The following TLK2 variants were observed in gnomAD, a reference collection of about 807,000 sequenced individuals.
The protein encoded by TLK2 is serine/threonine-protein kinase tousled-like 2.
Under a neutral mutation model 117.3 loss-of-function variants are expected in TLK2, and 6 were observed. The observed-to-expected ratio is 0.05, with a 90% CI of 0.03 to 0.10. The LOEUF is 0.10. Among genes scored for constraint, TLK2 ranks in the 10% least tolerant of loss-of-function variants. TLK2 has a pLI of 1.00. For missense variants in TLK2, 299 were observed against 901.2 expected, an observed-to-expected ratio of 0.33 and a Z score of 8.56; for synonymous variants, 257 against 316.7, an observed-to-expected ratio of 0.81 and a Z score of 2.00.
At chr17:62,607,858 T>A (rs992786457) in intron 20 of TLK2, among the ~76,000 whole-genome samples, 183 bp from the exon 21 acceptor site, 2 of 152,214 alleles carry the variant, frequency 1.3e-5, no homozygotes, top group Non-Finnish European at 2.9e-5. Context: ...AAGTTACATA[T>A]GCTCTGAGCT....
At chr17:62,591,731 T>G (rs2082097928) in intron 16 of TLK2, among the ~76,000 whole-genome samples, 1 of 152,224 alleles carries the variant, frequency 6.6e-6, no homozygotes, top group Admixed American at 6.5e-5. Context: ...CTTTCCCCAC[T>G]TCCCCTAATT....
chr17:62,523,384 A>G (rs1471878593), intron 5 of TLK2, among the ~76,000 whole-genome samples: 1 of 152,088 alleles, frequency 6.6e-6, no homozygotes, highest in East Asian at 1.9e-4. Context: ...TTCGAGGCCA[A>G]CCTGGGCAAC....
chr17:62,548,254 G>A (rs1036020560), intron 7 of TLK2, among the ~76,000 whole-genome samples: 16 of 150,492 alleles, frequency 1.1e-4, no homozygotes, highest in African/African-American at 3.4e-4. Flanking sequence ...GTGTGTGTGT[G>A]TGTGTGTGTG....
At chr17:62,498,426 G>T (rs1183250221) in intron 2 of TLK2, among the ~76,000 whole-genome samples, 2 of 145,110 alleles carry the variant, frequency 1.4e-5, no homozygotes, top group Non-Finnish European at 3.0e-5. Context: ...GTCTTGCTCT[G>T]TCGCCCAGGC....
intron 2 of TLK2, among the ~76,000 whole-genome samples, chr17:62,510,323 A>G (rs1221127469): frequency 1.3e-5 from 2 of 152,284 alleles, no homozygotes; most frequent in East Asian, 3.9e-4. Flanking sequence ...CCTACAGACT[A>G]AGTATGGCTT....
At chr17:62,473,890 T>C (rs768186150), upstream of TLK2, among the ~76,000 whole-genome samples, 2 of 152,016 alleles carry the variant, frequency 1.3e-5, no homozygotes, top group Non-Finnish European at 2.9e-5. Flanking sequence ...GAGCATAGCC[T>C]AGATTTTTTT....
Position 62,602,100 on chromosome 17 carries a change from T to G in TLK2, c.1779T>G (p.Gly593=). The part of the protein sequence containing the change: ...ACGEIKITDF[G]LSKIMDDDSY... ...GAGAGATAAAAATTACAGATTTTGG[T>G]CTTTCGAAGATCATGGATGATGATA... The change falls in exon 19 of 22, where the codon GGT becomes GGG. Residue 593 remains glycine, a synonymous_variant. Transcript: ENST00000346027. The G allele has an allele frequency of 6.2e-7, 1 of 1,613,646 alleles. No individual in the cohort carries two copies.
At chr17:62,579,074 A>G (rs2081025814) in intron 14 of TLK2, among the ~76,000 whole-genome samples, 1 of 152,220 alleles carries the variant, frequency 6.6e-6, no homozygotes, top group East Asian at 1.9e-4. Flanking sequence ...GTAGGTTGAA[A>G]GTAGAAAGGG....
intron 12 of TLK2, among the ~76,000 whole-genome samples, chr17:62,575,969 A>C (rs2080756536): frequency 6.6e-6 from 1 of 152,162 alleles, no homozygotes; most frequent in Non-Finnish European, 1.5e-5. Context: ...TACTGGGATT[A>C]CAGTGAGCCA....
chr17:62,477,877 C>G (rs1400184265), upstream of TLK2: 1 of 152,112 alleles, frequency 6.6e-6, no homozygotes, highest in Non-Finnish European at 1.5e-5. Context: ...TTTTCTCCAT[C>G]TTGGCACTTA....
Position 62,612,281 on chromosome 17 carries a change from C to T in TLK2, c.2080-111C>T, listed in dbSNP as rs1490681246. ...TTCTGAGGAAGGCCTTAAGCCCCTT[C>T]TCTTTAGTTGATATTTGCTCTGGGC... On this transcript the variant is annotated intron_variant, in intron 21 of 21. Coordinates refer to ENST00000346027, the MANE Select transcript of TLK2 (RefSeq NM_006852.6). 3 of 1,215,672 alleles carry T rather than the reference C, an allele frequency of 2.5e-6. No individual in the cohort carries two copies. The African/African-American group carries it at 4.6e-5, about 19-fold the overall frequency. The allele number at this position is 1,215,672 out of a possible 1,614,324, so 75.3% of individuals were successfully genotyped here.
intron 7 of TLK2, chr17:62,551,912 G>T (rs111792018): frequency 3.4e-6 from 1 of 290,608 alleles, no homozygotes; most frequent in South Asian, 3.2e-5. Flanking sequence ...CTGAATAGTG[G>T]TTCACAGTCC....
At chr17:62,581,999 G>A (rs2081256296) in intron 15 of TLK2, among the ~76,000 whole-genome samples, 1 of 152,078 alleles carries the variant, frequency 6.6e-6, no homozygotes, top group African/African-American at 2.4e-5. Flanking sequence ...TATAATCCCA[G>A]CACTCTGGGA....
At chr17:62,519,878 G>T (rs2075911678) in intron 2 of TLK2, among the ~76,000 whole-genome samples, 2 of 152,150 alleles carry the variant, frequency 1.3e-5, no homozygotes, top group South Asian at 4.1e-4. Flanking sequence ...CTACAGTCTA[G>T]GCTGTATCTT....
chr17:62,507,558 GCTT>G (rs1398766682), intron 2 of TLK2: 3 of 152,160 alleles, frequency 2.0e-5, no homozygotes, highest in African/African-American at 7.2e-5. Flanking sequence ...TGGCAGCTAT[GCTT>G]CTTTATACCT....
At chr17:62,558,173 T>A (rs1400872318) in intron 9 of TLK2, among the ~76,000 whole-genome samples, 1 of 151,800 alleles carries the variant, frequency 6.6e-6, no homozygotes, top group Non-Finnish European at 1.5e-5. Flanking sequence ...TTCTTTTTTT[T>A]AATTAAAAAA....
chr17:62,604,947 A>T (rs1226593493), intron 19 of TLK2, among the ~76,000 whole-genome samples: 6 of 152,188 alleles, frequency 3.9e-5, no homozygotes, highest in Non-Finnish European at 7.3e-5. Flanking sequence ...TGCCACTGCC[A>T]TAAAAAAGTC....
At chr17:62,592,317 C>T (rs534504929) in intron 16 of TLK2, among the ~76,000 whole-genome samples, 1 of 152,222 alleles carries the variant, frequency 6.6e-6, no homozygotes, top group South Asian at 2.1e-4. Context: ...TTCTGTTCTT[C>T]TAAAATTCAG....
Position 62,489,560 on chromosome 17 carries a change from C to T in TLK2, c.81+8354C>T, listed in dbSNP as rs566089022. On this transcript the variant is annotated intron_variant, in intron 2 of 21. Transcript: ENST00000346027. ...TTTATAGAAAATTGAGCAGCTAATG[C>T]AGAGTTCCTATATACTTCCTCACCC... Among the ~76,000 whole-genome samples the T allele has an allele frequency of 5.3e-5, 8 of 152,110 alleles. No homozygotes were observed. The South Asian group carries it at 1.7e-3, about 32-fold the overall frequency.
Sources: gnomAD v4.1 joint callset for allele counts (sites outside exome capture counted in the v4.1 genomes callset) on GRCh38, gnomAD v4.1.1 for gene constraint, MANE v1.5 for transcripts, NCBI Gene and HGNC (gene_info 2026-07-23, HGNC 2026-07-21) for gene names.